Variants in PLEKHF1 observed in about 807,000 individuals in gnomAD.
PLEKHF1 encodes the protein pleckstrin homology domain-containing family F member 1.
A neutral mutation model predicts 4.1 loss-of-function variants in PLEKHF1; 1 was observed. That is an observed-to-expected ratio of 0.24 (90% CI 0.09 to 1.15). The LOEUF is 1.15. Among genes scored for constraint, PLEKHF1 ranks in the 50% most tolerant of loss-of-function variants. PLEKHF1 has a pLI of 0.52. For missense variants in PLEKHF1, 429 were observed against 400.6 expected, an observed-to-expected ratio of 1.07 and a Z score of -0.60; for synonymous variants, 182 against 178.5, an observed-to-expected ratio of 1.02 and a Z score of -0.16.
Position 29,674,110 on chromosome 19 carries a change from C to T in PLEKHF1, c.271C>T (p.Pro91Ser), listed in dbSNP as rs762349041. 1.2e-6 allele frequency: 2 copies of T among 1,613,836 alleles called. No individual in the cohort carries two copies. The highest frequency in any genetic ancestry group is 1.7e-5 in the Admixed American group (1 of 60,010). ...GGAGGAGGTCACACTGGAGCTGTTGCCGGAGACGCTGCAGGCCAAGAACCG... is the reference window on the plus strand; with the variant it reads ...GGAGGAGGTCACACTGGAGCTGTTGTCGGAGACGCTGCAGGCCAAGAACCG... ...PLEEVTLELL[P>S]ETLQAKNRWM... The change falls in exon 2 of 2, where the codon CCG becomes TCG. Residue 91 changes from proline (P) to serine (S), a missense_variant. By Grantham distance (74) the Pro-to-Ser change is moderately conservative. Transcript: ENST00000436066.
At chr19:29,673,557 A>G (rs1350373761) in intron 1 of PLEKHF1, among the ~76,000 whole-genome samples, 21 of 152,052 alleles carry the variant, frequency 1.4e-4, no homozygotes, top group Non-Finnish European at 2.9e-4. Context: ...CCTAAGTAGC[A>G]CACTTTATCA....
Position 29,674,188 on chromosome 19 carries a change from A to T in PLEKHF1, c.349A>T (p.Thr117Ser). ...KSFVVSAASA[T>S]ERQEWISHIE... ...CTTTGTGGTGTCGGCCGCCTCCGCTACGGAGCGCCAGGAATGGATTAGCCA... is the reference window on the plus strand; with the variant it reads ...CTTTGTGGTGTCGGCCGCCTCCGCTTCGGAGCGCCAGGAATGGATTAGCCA... Residue 117 changes from threonine to serine, a missense_variant, in exon 2 of 2, where the codon ACG (threonine) becomes TCG (serine). Physicochemically the swap from Thr to Ser is moderately conservative, Grantham distance 58. Coordinates refer to ENST00000436066, the MANE Select transcript of PLEKHF1 (RefSeq NM_024310.5). The T allele has an allele frequency of 6.2e-7, 1 of 1,613,204 alleles. No individual in the cohort carries two copies.
intron 1 of PLEKHF1, among the ~76,000 whole-genome samples, chr19:29,670,771 G>C (rs1971622776): frequency 6.6e-6 from 1 of 151,890 alleles, no homozygotes; most frequent in Non-Finnish European, 1.5e-5. Flanking sequence ...TCCGCCTGCT[G>C]GGTTCACGCC....
At chr19:29,670,747 G>A (rs1035684738) in intron 1 of PLEKHF1, among the ~76,000 whole-genome samples, 50 of 151,682 alleles carry the variant, frequency 3.3e-4, no homozygotes, top group African/African-American at 1.1e-3. Flanking sequence ...GCGCGATCTC[G>A]GCTCACTGCA....
At chr19:29,670,354 A>G (rs1224881985) in intron 1 of PLEKHF1, among the ~76,000 whole-genome samples, 3 of 152,202 alleles carry the variant, frequency 2.0e-5, no homozygotes, top group Non-Finnish European at 4.4e-5. Flanking sequence ...ATCAGTATGT[A>G]TATCTCATAT....
chr19:29,665,872 G>A, intron 1 of PLEKHF1: 1 of 932,398 alleles, frequency 1.1e-6, no homozygotes. Flanking sequence ...CGGGATCCTG[G>A]CCTCGTGTGG....
At position 29,674,343 on chromosome 19, in the gene PLEKHF1, C is replaced by G. The variant is rs750543177; in HGVS notation, c.504C>G (p.Ala168=). ...CMRCTQTRFS[A]LTRRHHCRKC... is the part of the protein sequence containing the mutation. ...GCTGCACGCAGACGCGCTTCTCTGC[C>G]CTCACGAGGCGCCACCACTGCCGCA... Residue 168 remains alanine (A), a synonymous_variant, in exon 2 of 2, where the codon GCC becomes GCG. Coordinates refer to ENST00000436066, the MANE Select transcript of PLEKHF1 (RefSeq NM_024310.5). 1 of 1,554,612 alleles carries G rather than the reference C, an allele frequency of 6.4e-7. No individual in the cohort carries two copies. The highest frequency in any genetic ancestry group is 8.6e-7 in the Non-Finnish European group (1 of 1,156,506).
chr19:29,670,091 C>T (rs1971613712), intron 1 of PLEKHF1, among the ~76,000 whole-genome samples: 1 of 152,138 alleles, frequency 6.6e-6, no homozygotes, highest in South Asian at 2.1e-4. Flanking sequence ...ACCACCATCC[C>T]TGGCTAATTT....
In PLEKHF1 at chr19:29,671,351, C is replaced by T. The variant is rs1971630127; in HGVS notation, c.-16-2473C>T. ...TTCCTGCATAAGTGGTGTCACTTTA[C>T]ATACAACATTCTACAGGCTGTGTTT... On this transcript the variant is annotated intron_variant, in intron 1 of 1. Coordinates refer to ENST00000436066, the MANE Select transcript of PLEKHF1 (RefSeq NM_024310.5). The surrounding 1 kb of genome is among the most constrained non-coding windows in gnomAD (Gnocchi z 4.0). Among the ~76,000 whole-genome samples the T allele has an allele frequency of 1.3e-5, 2 of 152,204 alleles. No individual in the cohort carries two copies. The highest frequency in any genetic ancestry group is 4.1e-4 in the South Asian group (2 of 4,830).
At chr19:29,670,392 G>A (rs1971617272) in intron 1 of PLEKHF1, among the ~76,000 whole-genome samples, 2 of 152,278 alleles carry the variant, frequency 1.3e-5, no homozygotes, top group Admixed American at 1.3e-4. Flanking sequence ...GTCCTTTTGT[G>A]ATGGGCCTGC....
chr19:29,674,844 T>G lies in PLEKHF1; in HGVS notation c.*165T>G. 9.8e-7 allele frequency: 1 copy of G among 1,024,526 alleles called. No homozygotes were observed. The highest frequency in any genetic ancestry group is 1.9e-5 in the South Asian group (1 of 53,484). The allele number at this position is 1,024,526 out of a possible 1,614,324, so 63.5% of individuals were successfully genotyped here. A position where few individuals can be genotyped will look rare whatever the true frequency, so the allele number is the denominator to read the frequency against. On this transcript the variant is annotated 3_prime_UTR_variant, in exon 2 of 2. Transcript: ENST00000436066. ...CTCCCAGTGCCTTTTTGCTGGACAC[T>G]GTGTCCTTATGGCTTCACTGCAGGT...
chr19:29,669,756 T>C (rs1971609562), intron 1 of PLEKHF1, among the ~76,000 whole-genome samples: 1 of 152,172 alleles, frequency 6.6e-6, no homozygotes, highest in African/African-American at 2.4e-5. Flanking sequence ...AATGAAACCT[T>C]ATAGACGAAA....
Position 29,674,517 on chromosome 19 carries a change from G to A in PLEKHF1, c.678G>A (p.Gly226=). ...RQEEAEEQGA[G]SPGQPAHLAR... is the part of the protein sequence containing the mutation. ...AGGAGGCGGAGGAGCAGGGCGCGGGGTCCCCAGGGCAGCCAGCCCACCTGG... is the reference window on the plus strand; with the variant it reads ...AGGAGGCGGAGGAGCAGGGCGCGGGATCCCCAGGGCAGCCAGCCCACCTGG... Residue 226 remains glycine (G), a synonymous_variant, in exon 2 of 2, where the codon GGG becomes GGA. Transcript: ENST00000436066. 1 of 1,569,656 alleles carries A rather than the reference G, an allele frequency of 6.4e-7. No homozygotes were observed.
chr19:29,674,728 C>T lies in PLEKHF1; in HGVS notation c.*49C>T. 9 of 1,532,646 alleles carry T rather than the reference C, an allele frequency of 5.9e-6. No homozygotes were observed. The highest frequency in any genetic ancestry group is 7.9e-6 in the Non-Finnish European group (9 of 1,138,896). The allele number at this position is 1,532,646 out of a possible 1,614,324, so 94.9% of individuals were successfully genotyped here. A position where few individuals can be genotyped will look rare whatever the true frequency, so the allele number is the denominator to read the frequency against. ...CCCCAAGCCAGCTCCACTGCCCAGG[C>T]CCCCAAGAGGGCAGCTCCAGAAGCT... On this transcript the variant is annotated 3_prime_UTR_variant, in exon 2 of 2. Transcript: ENST00000436066.
chr19:29,673,770 C>CT, intron 1 of PLEKHF1, 54 bp from the exon 2 acceptor site: 1 of 1,546,974 alleles, frequency 6.5e-7, no homozygotes, highest in Non-Finnish European at 8.7e-7. Flanking sequence ...CAGCGTGGTT[C>CT]TGACACCCCC....
At chr19:29,668,482 G>A (rs1000796416) in intron 1 of PLEKHF1, among the ~76,000 whole-genome samples, 4 of 152,094 alleles carry the variant, frequency 2.6e-5, no homozygotes, top group African/African-American at 9.7e-5. Context: ...CACTTTGGGA[G>A]GCTGAGGAGG....
chr19:29,670,006 A>G (rs974631722), intron 1 of PLEKHF1, among the ~76,000 whole-genome samples: 1 of 152,140 alleles, frequency 6.6e-6, no homozygotes, highest in Non-Finnish European at 1.5e-5. Context: ...ATCTTGGCTC[A>G]CTGCAATCTC....
chr19:29,672,223 A>G (rs1971638447), intron 1 of PLEKHF1, among the ~76,000 whole-genome samples: 1 of 152,204 alleles, frequency 6.6e-6, no homozygotes, highest in Admixed American at 6.5e-5. Context: ...CAGGTGGTGA[A>G]TATTTTAGGC....
intron 1 of PLEKHF1, among the ~76,000 whole-genome samples, chr19:29,673,380 G>A (rs1177271823): frequency 7.0e-6 from 1 of 143,652 alleles, no homozygotes; most frequent in Non-Finnish European, 1.5e-5. Context: ...GTAGTAGCCG[G>A]CTCAGTAGCA....
Sources: allele counts gnomAD v4.1 joint callset (sites outside exome capture counted in the v4.1 genomes callset), GRCh38; gene constraint gnomAD v4.1.1; non-coding constraint Gnocchi (gnomAD v3.1); transcripts MANE v1.5; gene names NCBI Gene and HGNC (gene_info 2026-07-23, HGNC 2026-07-21).